DLG2: variants seen among roughly 807,000 people sequenced by gnomAD.
DLG2 encodes discs large MAGUK scaffold protein 2.
In DLG2, 45 loss-of-function variants were observed where a neutral mutation model predicts 132.5. That is an observed-to-expected ratio of 0.34 (90% CI 0.27 to 0.44). The LOEUF (loss-of-function observed/expected upper bound fraction) is 0.44, where lower values mean the gene tolerates loss of function less well. DLG2 is among the 20% of genes least tolerant of loss of function. DLG2 has a pLI of 1.00. For missense variants in DLG2, 1,045 were observed against 1,196.9 expected (o/e 0.87, Z 1.87); for synonymous variants, 424 against 419.6 (o/e 1.01, Z -0.13).
At chr11:83,843,360 G>A (rs1052751362) in intron 16 of DLG2, among the ~76,000 whole-genome samples, 2 of 152,146 alleles carry the variant, frequency 1.3e-5, no homozygotes, top group East Asian at 1.9e-4. Flanking sequence ...TCTCCTCTCT[G>A]CTGTCCCCTC....
intron 7 of DLG2, among the ~76,000 whole-genome samples, chr11:84,454,224 G>A (rs933938548): frequency 6.6e-6 from 1 of 151,424 alleles, no homozygotes; most frequent in Non-Finnish European, 1.5e-5. Context: ...AAGATGATAA[G>A]GTACAAAGGA....
At chr11:85,053,622 A>G (rs1313112530) in intron 6 of DLG2, among the ~76,000 whole-genome samples, 2 of 127,690 alleles carry the variant, frequency 1.6e-5, no homozygotes, top group Non-Finnish European at 1.7e-5. Context: ...CCCCATCTCT[A>G]CTAAAAATAC....
At chr11:84,947,064 G>A (rs1405609259) in intron 6 of DLG2, among the ~76,000 whole-genome samples, 2 of 152,212 alleles carry the variant, frequency 1.3e-5, no homozygotes, top group Admixed American at 6.5e-5. Flanking sequence ...CAGATTCTAT[G>A]TGCCATGCGG....
chr11:84,015,421 G>A (rs943097529), intron 11 of DLG2, among the ~76,000 whole-genome samples: 1 of 152,092 alleles, frequency 6.6e-6, no homozygotes, highest in African/African-American at 2.4e-5. Flanking sequence ...AGCATGTGCA[G>A]GTTTGTTACA....
At chr11:84,952,028 G>A (rs763227893) in intron 6 of DLG2, among the ~76,000 whole-genome samples, 3 of 152,132 alleles carry the variant, frequency 2.0e-5, no homozygotes, top group Non-Finnish European at 2.9e-5. Flanking sequence ...TCACTCACAG[G>A]TGGTAACCTT....
chr11:84,967,552 T>C (rs2053517412), intron 6 of DLG2, among the ~76,000 whole-genome samples: 1 of 151,874 alleles, frequency 6.6e-6, no homozygotes, highest in Admixed American at 6.6e-5. Context: ...ATTTCAATTT[T>C]GTTTCATAGA....
At chr11:83,732,537 G>A (rs2091206752) in intron 18 of DLG2, among the ~76,000 whole-genome samples, 1 of 152,062 alleles carries the variant, frequency 6.6e-6, no homozygotes, top group Admixed American at 6.5e-5. Flanking sequence ...GAAATGATGG[G>A]GATCACAACT....
chr11:83,795,441 A>ATATCTATATCTATATATC (rs10658664), intron 17 of DLG2, among the ~76,000 whole-genome samples: 1 of 147,426 alleles, frequency 6.8e-6, no homozygotes, highest in Admixed American at 6.7e-5. Flanking sequence ...ATCTATATCT[A>ATATCTATATCTATATATC]TATATCTATA....
At chr11:83,805,526 G>T (rs2045674691) in intron 17 of DLG2, among the ~76,000 whole-genome samples, 1 of 151,856 alleles carries the variant, frequency 6.6e-6, no homozygotes, top group Non-Finnish European at 1.5e-5. Context: ...TTACCATGTG[G>T]TAGACTTCTA....
chr11:84,146,368 G>T (rs1192215234), intron 9 of DLG2, among the ~76,000 whole-genome samples: 1 of 152,068 alleles, frequency 6.6e-6, no homozygotes, highest in African/African-American at 2.4e-5. Flanking sequence ...GTAACACAAA[G>T]GATAAATGCT....
At chr11:84,383,902 C>T (rs758587109) in intron 7 of DLG2, among the ~76,000 whole-genome samples, 17 of 151,850 alleles carry the variant, frequency 1.1e-4, no homozygotes, top group Non-Finnish European at 1.8e-4. Flanking sequence ...AAATGTGTTA[C>T]GCAGCATAGA....
At chr11:85,289,849 G>A (rs1345947622) in intron 3 of DLG2, among the ~76,000 whole-genome samples, 1 of 152,072 alleles carries the variant, frequency 6.6e-6, no homozygotes, top group Non-Finnish European at 1.5e-5. Context: ...AAATGCTGCT[G>A]TTTTCTCCTG....
chr11:85,386,995 C>A (rs1352070912), intron 3 of DLG2, among the ~76,000 whole-genome samples: 1 of 150,000 alleles, frequency 6.7e-6, no homozygotes, highest in Non-Finnish European at 1.5e-5. Flanking sequence ...TCAAGTGATT[C>A]TTCTGCCTCA....
At chr11:84,470,422 T>C (rs539409766) in intron 7 of DLG2, among the ~76,000 whole-genome samples, 2 of 151,732 alleles carry the variant, frequency 1.3e-5, no homozygotes, top group African/African-American at 4.8e-5. Flanking sequence ...AATAAGTCAT[T>C]GTTCCTGTTG....
intron 7 of DLG2, chr11:84,272,399 T>G (rs2097736215): frequency 5.8e-6 from 2 of 346,156 alleles, no homozygotes; most frequent in Non-Finnish European, 1.2e-5. Context: ...TTTTTAAGAC[T>G]CTTCTCTCAT....
intron 6 of DLG2, among the ~76,000 whole-genome samples, chr11:84,819,249 T>C (rs752345490): frequency 2.0e-5 from 3 of 151,930 alleles, no homozygotes; most frequent in Non-Finnish European, 2.9e-5. Flanking sequence ...AAGTCTATGA[T>C]GTTTCTGTTA....
chr11:83,691,697 A>G lies in DLG2; in HGVS notation c.1826-58372T>C, dbSNP rs147383284. ...GAAGCCGATAGAAGATACTCTGCATATGCTTTGCTGTCCTGGAGAATATGT... is the reference window on the plus strand; with the variant it reads ...GAAGCCGATAGAAGATACTCTGCATGTGCTTTGCTGTCCTGGAGAATATGT... On this transcript the variant is annotated intron_variant, in intron 18 of 27. Transcript: ENST00000376104. Among the ~76,000 whole-genome samples, 943 of 152,274 alleles carry G rather than the reference A, an allele frequency of 6.2e-3. 15 individuals are homozygous for G. The highest frequency in any genetic ancestry group is 0.022 in the African/African-American group (906 of 41,562).
At chr11:83,687,869 G>A (rs890402501) in intron 18 of DLG2, among the ~76,000 whole-genome samples, 1 of 152,008 alleles carries the variant, frequency 6.6e-6, no homozygotes, top group Non-Finnish European at 1.5e-5. Flanking sequence ...GGTCATGATG[G>A]CATACATCTG....
chr11:85,490,462 T>C (rs1422755668), intron 3 of DLG2, among the ~76,000 whole-genome samples: 1 of 151,442 alleles, frequency 6.6e-6, no homozygotes, highest in Non-Finnish European at 1.5e-5. Flanking sequence ...AGAGCAGAAC[T>C]AAATGACAAA....
Sources: allele counts gnomAD v4.1 joint callset (sites outside exome capture counted in the v4.1 genomes callset), GRCh38; gene constraint gnomAD v4.1.1; transcripts MANE v1.5; gene names NCBI Gene and HGNC (gene_info 2026-07-23, HGNC 2026-07-21).